The following RNF144A variants were observed in gnomAD, a reference collection of about 807,000 sequenced individuals.
RNF144A encodes ring finger protein 144A.
In RNF144A, 11 loss-of-function variants were observed where a neutral mutation model predicts 38.7. The observed-to-expected ratio is 0.28, with a 90% CI of 0.18 to 0.47. RNF144A has a LOEUF of 0.47. Among genes scored for constraint, RNF144A ranks in the 20% least tolerant of loss-of-function variants. The pLI is 0.99. For synonymous variants in RNF144A, 149 were observed against 143.9 expected, an observed-to-expected ratio of 1.04 and a Z score of -0.25; for missense variants, 316 against 377.2, an observed-to-expected ratio of 0.84 and a Z score of 1.34.
downstream of RNF144A, among the ~76,000 whole-genome samples, chr2:7,073,042 T>G (rs1259882722): frequency 1.3e-5 from 2 of 152,184 alleles, no homozygotes; most frequent in African/African-American, 4.8e-5. Flanking sequence ...TCTACACCAC[T>G]TCTCCAGCCT....
At position 6,933,406 on chromosome 2, in the gene RNF144A, C is replaced by T. The variant is rs561903098; in HGVS notation, c.-211-7542C>T. ...CAGAGCCTACTCTAAGGATTTGCTTCAGGGAGGCTGCAATGCAAAGAAATG... is the reference window on the plus strand; with the variant it reads ...CAGAGCCTACTCTAAGGATTTGCTTTAGGGAGGCTGCAATGCAAAGAAATG... On this transcript the variant is annotated intron_variant, in intron 1 of 8. Transcript: ENST00000320892. 7.2e-5 allele frequency among the ~76,000 whole-genome samples: 11 copies of T among 152,288 alleles called. No individual in the cohort carries two copies. In the South Asian group the frequency reaches 1.9e-3, roughly 26 times the overall value.
At chr2:6,949,346 G>T (rs1029354596) in intron 2 of RNF144A, among the ~76,000 whole-genome samples, 21 of 151,484 alleles carry the variant, frequency 1.4e-4, no homozygotes, top group South Asian at 1.2e-3. Flanking sequence ...TGAAGAAGGG[G>T]TTAGCCTGGG....
chr2:6,977,539 C>T (rs750213307), intron 2 of RNF144A, among the ~76,000 whole-genome samples: 8 of 152,270 alleles, frequency 5.3e-5, no homozygotes, highest in Admixed American at 2.6e-4. Flanking sequence ...TTACTTTCTA[C>T]GTGTAGTACA....
Position 7,042,917 on chromosome 2 carries a change from G to A in RNF144A, c.*3157G>A, listed in dbSNP as rs1397144802. On this transcript the variant is annotated 3_prime_UTR_variant, in exon 9 of 9. Transcript: ENST00000320892. ...AGTTTCGCTTTTGTCCCCCAAGCTG[G>A]AGTACAATGACAGGATCTCGGCTCA... 1.1e-6 allele frequency: 1 copy of A among 918,638 alleles called. No homozygotes were observed. Among genetic ancestry groups the A allele is most frequent in the Admixed American group, 6.2e-5 (1 of 16,164 alleles). The allele number at this position is 918,638 out of a possible 1,614,324, so 56.9% of individuals were successfully genotyped here.
chr2:7,058,496 T>C (rs1283845672), intron 6 of RNF144A, among the ~76,000 whole-genome samples: 2 of 152,208 alleles, frequency 1.3e-5, no homozygotes, highest in African/African-American at 2.4e-5. Context: ...TCTCCATCTA[T>C]ATCCATTCAT....
downstream of RNF144A, among the ~76,000 whole-genome samples, chr2:7,046,157 C>T (rs1188492388): frequency 6.6e-6 from 1 of 152,206 alleles, no homozygotes; most frequent in Non-Finnish European, 1.5e-5. Context: ...GAGATTATAA[C>T]TGCTGATGTG....
intron 2 of RNF144A, among the ~76,000 whole-genome samples, chr2:6,960,289 C>G (rs1667258374): frequency 6.6e-6 from 1 of 152,182 alleles, no homozygotes; most frequent in South Asian, 2.1e-4. Flanking sequence ...AGAGTGAAAA[C>G]CTTTGAGGTT....
At chr2:7,010,698 C>T (rs1670739260) in intron 3 of RNF144A, among the ~76,000 whole-genome samples, 1 of 152,114 alleles carries the variant, frequency 6.6e-6, no homozygotes, top group Non-Finnish European at 1.5e-5. Flanking sequence ...GGCTTACCCC[C>T]CTTTCTTCCC....
At chr2:7,050,554 C>G (rs1673479657) in intron 6 of RNF144A, among the ~76,000 whole-genome samples, 1 of 152,170 alleles carries the variant, frequency 6.6e-6, no homozygotes, top group Non-Finnish European at 1.5e-5. Flanking sequence ...TCCCAGCCTC[C>G]TCCCTTCTCA....
At chr2:6,961,621 T>C (rs1479650134) in intron 2 of RNF144A, among the ~76,000 whole-genome samples, 2 of 152,262 alleles carry the variant, frequency 1.3e-5, no homozygotes, top group Non-Finnish European at 2.9e-5. Context: ...AAAGCTCCGA[T>C]GCAAGGATCT....
At chr2:7,003,149 A>G (rs1670220708) in intron 3 of RNF144A, among the ~76,000 whole-genome samples, 1 of 152,212 alleles carries the variant, frequency 6.6e-6, no homozygotes, top group African/African-American at 2.4e-5. Context: ...TTTAGGCTAA[A>G]TGTTATGAGA....
At chr2:7,020,085 G>T (rs974039743) in intron 5 of RNF144A, among the ~76,000 whole-genome samples, 2 of 152,174 alleles carry the variant, frequency 1.3e-5, no homozygotes, top group Non-Finnish European at 2.9e-5. Context: ...AGGCAGATGA[G>T]CTAGCGCCAT....
rs1232308851 is a variant in RNF144A at position 6,958,673 on chromosome 2, AC to A, written c.-12+17527del. Among the ~76,000 whole-genome samples the A allele has an allele frequency of 1.3e-5, 2 of 151,860 alleles. No individual in the cohort carries two copies. Among genetic ancestry groups the A allele is most frequent in the Non-Finnish European group, 2.9e-5 (2 of 67,960 alleles). On this transcript the variant is annotated intron_variant, in intron 2 of 8. Coordinates refer to ENST00000320892, the MANE Select transcript of RNF144A (RefSeq NM_014746.6). This position sits in a 1 kb window ranked among gnomAD's most constrained non-coding sequence, Gnocchi z 4.5. ...GGTTCAGTGTTCATGATTCTGGGGG[AC>A]TGTCCACGTGACCGTAATCTATTTC...
intron 7 of RNF144A, among the ~76,000 whole-genome samples, chr2:7,025,532 C>T (rs1210572810): frequency 2.6e-5 from 4 of 152,056 alleles, no homozygotes; most frequent in Admixed American, 2.6e-4. Context: ...ATTATCCAGT[C>T]ATGGTGGCAT....
At chr2:7,006,015 C>T (rs749783481) in intron 3 of RNF144A, among the ~76,000 whole-genome samples, 7 of 151,016 alleles carry the variant, frequency 4.6e-5, no homozygotes, top group Non-Finnish European at 1.0e-4. Flanking sequence ...GTGTTTTTCT[C>T]GGTGGCATCA....
At chr2:7,004,426 G>A (rs1413102055) in intron 3 of RNF144A, among the ~76,000 whole-genome samples, 1 of 152,140 alleles carries the variant, frequency 6.6e-6, no homozygotes, top group Non-Finnish European at 1.5e-5. Context: ...CCTTAAGATG[G>A]GATCTAGTAA....
rs1052109323 is a variant in RNF144A, at chr2:7,042,768, C to T, written c.*3008C>T. On this transcript the variant is annotated 3_prime_UTR_variant, in exon 9 of 9. Transcript: ENST00000320892. ...TGACTTAGGATCTGAGATAAAGCATCGGATTGCAGGAATAACTGTCCAAAT... is the reference window on the plus strand; with the variant it reads ...TGACTTAGGATCTGAGATAAAGCATTGGATTGCAGGAATAACTGTCCAAAT... 1.9e-5 allele frequency: 19 copies of T among 985,342 alleles called. No individual in the cohort carries two copies. Among genetic ancestry groups the T allele is most frequent in the Admixed American group, 6.1e-5 (1 of 16,268 alleles). 61.0% of individuals were successfully genotyped at this position (985,342 alleles called of 1,614,324 possible).
chr2:7,051,822 G>C (rs1673539327), intron 6 of RNF144A, among the ~76,000 whole-genome samples: 3 of 152,198 alleles, frequency 2.0e-5, no homozygotes, highest in Admixed American at 2.0e-4. Flanking sequence ...CCAAGAGTGT[G>C]GCTCCCAGAT....
chr2:6,994,999 G>A (rs1669627743), intron 2 of RNF144A, among the ~76,000 whole-genome samples: 1 of 152,110 alleles, frequency 6.6e-6, no homozygotes, highest in Non-Finnish European at 1.5e-5. Flanking sequence ...TGCTGGGTGA[G>A]CTTTCAGGAT....
Sources: allele counts gnomAD v4.1 joint callset (sites outside exome capture counted in the v4.1 genomes callset), GRCh38; gene constraint gnomAD v4.1.1; non-coding constraint Gnocchi (gnomAD v3.1); transcripts MANE v1.5; gene names NCBI Gene and HGNC (gene_info 2026-07-23, HGNC 2026-07-21).